The following NTRK3 variants were observed in gnomAD, a reference collection of about 807,000 sequenced individuals.
NTRK3 encodes the protein neurotrophic receptor tyrosine kinase 3, also known as NT-3 growth factor receptor.
A neutral mutation model predicts 91.7 loss-of-function variants in NTRK3; 24 were observed. The observed-to-expected ratio is 0.26, with a 90% CI of 0.19 to 0.37. The LOEUF (loss-of-function observed/expected upper bound fraction) is 0.37, where lower values mean the gene tolerates loss of function less well. NTRK3 is among the 10% of genes least tolerant of loss of function. The pLI is 1.00. For synonymous variants in NTRK3, 483 were observed against 404.0 expected (o/e 1.20, Z -2.34); for missense variants, 880 against 1,068.9 (o/e 0.82, Z 2.46).
intron 13 of NTRK3, among the ~76,000 whole-genome samples, chr15:88,082,982 A>G (rs2048190675): frequency 6.6e-6 from 1 of 152,190 alleles, no homozygotes; most frequent in Non-Finnish European, 1.5e-5. Flanking sequence ...AAAAATTAAG[A>G]GGGAAGGATA....
intron 3 of NTRK3, among the ~76,000 whole-genome samples, chr15:88,222,625 T>C (rs1476474794): frequency 2.0e-5 from 3 of 152,166 alleles, no homozygotes; most frequent in Non-Finnish European, 4.4e-5. Flanking sequence ...CACATAGAGC[T>C]CAAAGACTTG....
rs76096195 is a variant in NTRK3 at position 87,862,093 on chromosome 15, A to G, written c.*14842T>C. ...AGACAAAACTCCTCTATTCTAAAGA[A>G]CTCTAACAGAGGTGTTGGATGCTGC... On this transcript the variant is annotated 3_prime_UTR_variant, in exon 19 of 19. Transcript: ENST00000394480. 6.0e-3 allele frequency: 1,305 copies of G among 216,352 alleles called. 23 individuals are homozygous for G. Among genetic ancestry groups the G allele is most frequent in the East Asian group, 0.031 (453 of 14,710 alleles). 13.4% of individuals were successfully genotyped at this position (216,352 alleles called of 1,614,324 possible).
At chr15:88,076,790 C>T (rs1384423821) in intron 13 of NTRK3, among the ~76,000 whole-genome samples, 3 of 151,822 alleles carry the variant, frequency 2.0e-5, no homozygotes, top group Non-Finnish European at 4.4e-5. Flanking sequence ...CAGGGAACCA[C>T]AGGTTTTAAA....
At chr15:88,171,697 C>T (rs2045534161) in intron 5 of NTRK3, among the ~76,000 whole-genome samples, 1 of 152,224 alleles carries the variant, frequency 6.6e-6, no homozygotes, top group African/African-American at 2.4e-5. Context: ...GACACAGAAG[C>T]TCAGCTCCTT....
rs367999333 is a variant in NTRK3 at position 87,940,603 on chromosome 15, G to A, written c.1716+20C>T. The A allele has an allele frequency of 2.4e-5, 38 of 1,612,996 alleles. No individual in the cohort carries two copies. Among genetic ancestry groups the A allele is most frequent in the South Asian group, 1.6e-4 (15 of 91,032 alleles). ...CTCAGCCAGCCCTCCTCCTGGTGCCGGCATGCCTCTGGGGTTTACCTTCAC... is the reference window on the plus strand; with the variant it reads ...CTCAGCCAGCCCTCCTCCTGGTGCCAGCATGCCTCTGGGGTTTACCTTCAC... On this transcript the variant is annotated intron_variant, in intron 15 of 18. Transcript: ENST00000394480.
At chr15:87,914,509 T>C (rs999763537) in intron 17 of NTRK3, among the ~76,000 whole-genome samples, 7 of 152,214 alleles carry the variant, frequency 4.6e-5, no homozygotes, top group Admixed American at 2.6e-4. Context: ...ATTACTCTTT[T>C]CCCATTACAA....
At chr15:88,093,931 T>A (rs1049069389) in intron 13 of NTRK3, among the ~76,000 whole-genome samples, 35 of 152,062 alleles carry the variant, frequency 2.3e-4, no homozygotes, top group African/African-American at 7.5e-4. Context: ...CCTTCCCCAA[T>A]CCTATGGGAA....
intron 13 of NTRK3, among the ~76,000 whole-genome samples, chr15:88,052,643 A>G (rs1479969318): frequency 6.6e-6 from 1 of 152,158 alleles, no homozygotes; most frequent in Non-Finnish European, 1.5e-5. Context: ...GAGTTAATAG[A>G]TTTATTATAA....
At chr15:88,195,830 C>T (rs2047769284) in intron 3 of NTRK3, among the ~76,000 whole-genome samples, 1 of 152,214 alleles carries the variant, frequency 6.6e-6, no homozygotes, top group Admixed American at 6.5e-5. Context: ...GAGCAGCTGG[C>T]TTGAAAGTAA....
At position 88,240,503 on chromosome 15, in the gene NTRK3, G is replaced by T; in HGVS notation, c.248+15403C>A. Among the ~76,000 whole-genome samples, 1 of 152,276 alleles carries T rather than the reference G, an allele frequency of 6.6e-6. No homozygotes were observed. Among genetic ancestry groups the T allele is most frequent in the Admixed American group, 6.5e-5 (1 of 15,304 alleles). Reference sequence around the variant, plus strand: ...ACCCTCCTTACCACCAAAACAGCACGTCATGTGTCCTGTCGGCCCAAGGGT... The same window carrying T: ...ACCCTCCTTACCACCAAAACAGCACTTCATGTGTCCTGTCGGCCCAAGGGT... On this transcript the variant is annotated intron_variant, in intron 3 of 18. Coordinates refer to ENST00000394480, the Ensembl canonical transcript of NTRK3. The surrounding 1 kb of genome is among the most constrained non-coding windows in gnomAD (Gnocchi z 4.9).
chr15:87,989,396 C>T (rs1324576544), intron 14 of NTRK3, among the ~76,000 whole-genome samples: 3 of 152,104 alleles, frequency 2.0e-5, no homozygotes, highest in Admixed American at 6.5e-5. Context: ...AGCAAACTAT[C>T]GCAAGGACAA....
intron 17 of NTRK3, among the ~76,000 whole-genome samples, chr15:87,913,077 G>A (rs2067211631): frequency 6.6e-6 from 1 of 150,748 alleles, no homozygotes; most frequent in Non-Finnish European, 1.5e-5. Flanking sequence ...TTGGCAGTGT[G>A]TAAAGGGGAA....
intron 10 of NTRK3, among the ~76,000 whole-genome samples, chr15:88,130,326 TA>T (rs1411121813): frequency 6.6e-6 from 1 of 152,208 alleles, no homozygotes; most frequent in African/African-American, 2.4e-5. Flanking sequence ...GAAGGAATGA[TA>T]AAAATAGAAA....
rs150106350 is a variant in NTRK3 at position 88,121,051 on chromosome 15, A to G, written c.1396+5220T>C. ...CTCTGATCTAGAAGTATTTAAAGAT[A>G]CTTATGAGGTGGTCAAGAGGAAAAG... On this transcript the variant is annotated intron_variant, in intron 13 of 18. Coordinates refer to ENST00000394480, the Ensembl canonical transcript of NTRK3. Among the ~76,000 whole-genome samples the G allele has an allele frequency of 7.9e-5, 12 of 152,318 alleles. No homozygotes were observed. The East Asian group carries it at 2.3e-3, about 29-fold the overall frequency.
intron 14 of NTRK3, among the ~76,000 whole-genome samples, chr15:87,998,374 T>C (rs761433826): frequency 2.0e-4 from 30 of 152,248 alleles, no homozygotes; most frequent in Non-Finnish European, 3.5e-4. Flanking sequence ...GAGAATGTCA[T>C]AGCTGCCTGC....
Position 88,255,930 on chromosome 15 carries a change from T to C in NTRK3, c.224A>G (p.Asp75Gly). 1 of 1,612,460 alleles carries C rather than the reference T, an allele frequency of 6.2e-7. No homozygotes were observed. Among genetic ancestry groups the C allele is most frequent in the Non-Finnish European group, 8.5e-7 (1 of 1,179,058 alleles). The change falls in exon 3 of 19, where the codon GAC becomes GGC. Residue 75 changes from aspartate (D) to glycine (G), a missense_variant. Transcript: ENST00000394480. The surrounding 1 kb of genome is among the most constrained non-coding windows in gnomAD (Gnocchi z 4.3). ...CATGGAAGTGATATTCCTTGAGATG[T>C]CCGTGATGTTGATACTGGCGTTCCC...
intron 15 of NTRK3, 108 bp downstream of exon 15, chr15:87,940,515 G>T: frequency 1.3e-6 from 2 of 1,557,754 alleles, no homozygotes; most frequent in South Asian, 2.2e-5. Flanking sequence ...GATTGCATCT[G>T]AGAAAGCCAA....
rs1019324947 is a variant in NTRK3, at chr15:87,930,859, C to T, written c.1890-1425G>A. Among the ~76,000 whole-genome samples the T allele has an allele frequency of 4.6e-5, 7 of 152,166 alleles. No homozygotes were observed. In the East Asian group the frequency reaches 5.8e-4, roughly 13 times the overall value. ...TGCAAAATTGCCCCAGGAAGACTGT[C>T]GAGCCTTGATTTAGAGAGACTCCCC... On this transcript the variant is annotated intron_variant, in intron 16 of 18. Coordinates refer to ENST00000394480, the Ensembl canonical transcript of NTRK3.
intron 5 of NTRK3, among the ~76,000 whole-genome samples, chr15:88,174,724 C>T (rs1421869929): frequency 6.6e-6 from 1 of 152,218 alleles, no homozygotes; most frequent in African/African-American, 2.4e-5. Context: ...CAACCCAAGC[C>T]CACTCTCCTC....
Sources: gnomAD v4.1 joint callset for allele counts (sites outside exome capture counted in the v4.1 genomes callset) on GRCh38, gnomAD v4.1.1 for gene constraint, Gnocchi (gnomAD v3.1) non-coding constraint, MANE v1.5 for transcripts, NCBI Gene and HGNC (gene_info 2026-07-23, HGNC 2026-07-21) for gene names.